The following ECHS1 variants were observed in gnomAD, a reference collection of about 807,000 sequenced individuals.
ECHS1 encodes the protein enoyl-CoA hydratase, mitochondrial.
ECHS1 carries 19 observed loss-of-function variants against 33.5 expected under a neutral mutation model. That is an observed-to-expected ratio of 0.57 (90% CI 0.40 to 0.83). The LOEUF is 0.83. Ranked by LOEUF, ECHS1 falls within the 40% of genes least tolerant of loss-of-function variation. ECHS1 has a pLI of 0.00. For missense variants in ECHS1, 365 were observed against 381.3 expected, an observed-to-expected ratio of 0.96 and a Z score of 0.36; for synonymous variants, 158 against 146.6, an observed-to-expected ratio of 1.08 and a Z score of -0.56.
rs372408822 is a variant in ECHS1, at chr10:133,373,326, G to C, written c.8C>G (p.Ala3Gly). 3 of 1,502,876 alleles carry C rather than the reference G, an allele frequency of 2.0e-6. No homozygotes were observed. Among genetic ancestry groups the C allele is most frequent in the Non-Finnish European group, 2.7e-6 (3 of 1,132,020 alleles). 93.1% of individuals were successfully genotyped at this position (1,502,876 alleles called of 1,614,324 possible). The change falls in exon 1 of 8, where the codon GCC becomes GGC. Residue 3 changes from alanine (A) to glycine (G), a missense_variant. Transcript: ENST00000368547. The stretch of plus-strand genomic sequence containing the variant: ...GACGCAGGACAGCAGGACACGCAGG[G>C]CGGCCATGGCTCTCTGGACTCCTCG... Reference protein sequence around the residue: MAALRVLLSCVRG... With the variant: MAGLRVLLSCVRG...
Position 133,366,385 on chromosome 10 carries a change from G to A in ECHS1, c.620-290C>T, listed in dbSNP as rs79459887. 6.7e-3 allele frequency among the ~76,000 whole-genome samples: 1,024 copies of A among 152,388 alleles called. 10 individuals are homozygous for A. The highest frequency in any genetic ancestry group is 0.034 in the Middle Eastern group (10 of 294). Reference sequence around the variant, plus strand: ...TCACCAACAGGGCAGTGGGAGGACCGGCCACTGAGGCCTGGAGATGCCCAT... The same window carrying A: ...TCACCAACAGGGCAGTGGGAGGACCAGCCACTGAGGCCTGGAGATGCCCAT... On this transcript the variant is annotated intron_variant, in intron 5 of 7. Transcript: ENST00000368547.
Position 133,368,991 on chromosome 10 carries a change from C to A in ECHS1, c.446G>T (p.Cys149Phe). The change falls in exon 4 of 8, where the codon TGT becomes TTT. Residue 149 changes from cysteine (C) to phenylalanine (F), a missense_variant. Transcript: ENST00000368547. ...FGGGCELAMM[C>F]DIIYAGEKAQ... ...CTTCTCACCGGCATAGATGATATCACACATCATGGCAAGCTCACAGCCCCC... is the reference window on the plus strand; with the variant it reads ...CTTCTCACCGGCATAGATGATATCAAACATCATGGCAAGCTCACAGCCCCC... 6.2e-7 allele frequency: 1 copy of A among 1,613,666 alleles called. No homozygotes were observed. Among genetic ancestry groups the A allele is most frequent in the Non-Finnish European group, 8.5e-7 (1 of 1,179,922 alleles).
rs142085958 is a variant in ECHS1 at position 133,368,160 on chromosome 10, C to A, written c.514+763G>T. The stretch of plus-strand genomic sequence containing the variant: ...CCGTAGGGCTGGACACTACACTCCC[C>A]CAACACCCTGACATTAGATCAAGGT... On this transcript the variant is annotated intron_variant, in intron 4 of 7. Coordinates refer to ENST00000368547, the MANE Select transcript of ECHS1 (RefSeq NM_004092.4). 4.5e-3 allele frequency among the ~76,000 whole-genome samples: 683 copies of A among 152,314 alleles called. 5 individuals are homozygous for A. Among genetic ancestry groups the A allele is most frequent in the African/African-American group, 0.016 (663 of 41,566 alleles).
Position 133,362,890 on chromosome 10 carries a change from TTTC to T in ECHS1, c.848_850del (p.Arg283del). 6.2e-7 allele frequency: 1 copy of T among 1,614,190 alleles called. No individual in the cohort carries two copies. The highest frequency in any genetic ancestry group is 8.5e-7 in the Non-Finnish European group (1 of 1,180,038). Reference sequence around the variant, plus strand: ...TTCTCACTGGTCTTTGAAGTTGGCCTTTCTCTTTTCCACAAACGCGGTCATCCC... The same window carrying T: ...TTCTCACTGGTCTTTGAAGTTGGCCTTCTTTTCCACAAACGCGGTCATCCC... On this transcript the variant is annotated inframe_deletion, in exon 8 of 8. Transcript: ENST00000368547.
At chr10:133,367,309 G>A (rs990646763) in intron 4 of ECHS1, among the ~76,000 whole-genome samples, 1 of 151,916 alleles carries the variant, frequency 6.6e-6, no homozygotes, top group Non-Finnish European at 1.5e-5. Flanking sequence ...ATTAGATATA[G>A]AGATGATCAT....
rs1202162624 is a variant in ECHS1 at position 133,370,049 on chromosome 10, G to A, written c.287-18C>T. On this transcript the variant is annotated intron_variant, in intron 2 of 7. Transcript: ENST00000368547. ...AGCTCCAGCTAGCAGGAGTGGAAAG[G>A]AGGTTCCAGTTACCAGAGAGCAGAG... is the stretch of plus-strand genomic sequence containing the variant. The A allele has an allele frequency of 4.3e-6, 7 of 1,613,244 alleles. No individual in the cohort carries two copies. Among genetic ancestry groups the A allele is most frequent in the Non-Finnish European group, 5.9e-6 (7 of 1,179,786 alleles).
intron 4 of ECHS1, among the ~76,000 whole-genome samples, chr10:133,367,732 G>A (rs1339679439): frequency 6.6e-6 from 1 of 151,424 alleles, no homozygotes; most frequent in African/African-American, 2.4e-5. Flanking sequence ...TGCTCCTCCC[G>A]TACTCCTGGT....
At chr10:133,372,717 T>G in intron 1 of ECHS1, among the ~76,000 whole-genome samples, 1 of 84,628 alleles carries the variant, frequency 1.2e-5, no homozygotes, top group East Asian at 3.8e-4. Flanking sequence ...GTGGGTGGTG[T>G]CGGTGCGGGG....
Position 133,373,160 on chromosome 10 carries a change from AGG to A in ECHS1, c.88+84_88+85del, listed in dbSNP as rs150493267. On this transcript the variant is annotated intron_variant, in intron 1 of 7. Transcript: ENST00000368547. ...GGTGGGGGATGCGGGGTCAGGTGGG[AGG>A]GGGGTGCGGTCTGGGATCTGGTCTG... The A allele has an allele frequency of 2.4e-3, 2,400 of 996,982 alleles. 5 individuals carry two copies. Among genetic ancestry groups the A allele is most frequent in the Non-Finnish European group, 3.0e-3 (2,309 of 779,696 alleles). 61.8% of individuals were successfully genotyped at this position (996,982 alleles called of 1,614,324 possible).
Position 133,364,645 on chromosome 10 carries a change from A to T in ECHS1, c.807+13T>A. ...AATTTGCTTGATTCTCCGGTTGAAC[A>T]CTGTTTACTCACAGTGGCAAAGGTT... On this transcript the variant is annotated intron_variant, in intron 7 of 7. Coordinates refer to ENST00000368547, the MANE Select transcript of ECHS1 (RefSeq NM_004092.4). The T allele has an allele frequency of 6.2e-7, 1 of 1,605,082 alleles. No homozygotes were observed. The highest frequency in any genetic ancestry group is 8.5e-7 in the Non-Finnish European group (1 of 1,172,276).
At position 133,368,896 on chromosome 10, in the gene ECHS1, T is replaced by C. The variant is rs1009970823; in HGVS notation, c.514+27A>G. On this transcript the variant is annotated intron_variant, in intron 4 of 7. Coordinates refer to ENST00000368547, the MANE Select transcript of ECHS1 (RefSeq NM_004092.4). ...ATTTTGAGTAATTACCTAAGGCATC[T>C]ATGCCAGAGACAGTGTCACTCTTTA... 3 of 1,600,932 alleles carry C rather than the reference T, an allele frequency of 1.9e-6. No individual in the cohort carries two copies. The African/African-American group carries it at 4.0e-5, about 21-fold the overall frequency.
At chr10:133,369,264 G>A (rs945813633) in intron 3 of ECHS1, among the ~76,000 whole-genome samples, 4 of 152,136 alleles carry the variant, frequency 2.6e-5, no homozygotes, top group Non-Finnish European at 4.4e-5. Flanking sequence ...CTGCTGCCAC[G>A]ACTCAACTCT....
chr10:133,366,186 G>A lies in ECHS1; in HGVS notation c.620-91C>T, dbSNP rs930332865. The A allele has an allele frequency of 6.7e-6, 10 of 1,493,616 alleles. No individual in the cohort carries two copies. The Admixed American group carries it at 1.9e-4, about 28-fold the overall frequency. The allele number at this position is 1,493,616 out of a possible 1,614,324, so 92.5% of individuals were successfully genotyped here. On this transcript the variant is annotated intron_variant, in intron 5 of 7. Transcript: ENST00000368547. ...GTGGCCGCTGGGGAGCAGCGTGGCT[G>A]GAGCACCCCAGCCTCTGGACGCTAA...
intron 1 of ECHS1, among the ~76,000 whole-genome samples, chr10:133,372,373 C>T (rs1400688574): frequency 1.3e-5 from 2 of 152,138 alleles, no homozygotes; most frequent in Non-Finnish European, 2.9e-5. Flanking sequence ...GGGTGAGCCA[C>T]GAGGGAGGAA....
intron 1 of ECHS1, among the ~76,000 whole-genome samples, chr10:133,371,159 C>T (rs1849103800): frequency 6.6e-6 from 1 of 152,090 alleles, no homozygotes; most frequent in East Asian, 1.9e-4. Flanking sequence ...CGCCTGTAGT[C>T]CCAGCTACTG....
At chr10:133,372,549 A>G (rs970486448) in intron 1 of ECHS1, among the ~76,000 whole-genome samples, 6 of 151,958 alleles carry the variant, frequency 3.9e-5, no homozygotes, top group Non-Finnish European at 8.8e-5. Context: ...CCGAGGGAAC[A>G]CCCCGGATTT....
chr10:133,363,071 G>A (rs568744805), intron 7 of ECHS1, 138 bp from the exon 8 acceptor site: 24 of 933,316 alleles, frequency 2.6e-5, no homozygotes, highest in Admixed American at 1.6e-4. Context: ...GGGACTCAGC[G>A]GCAGGAACAC....
At chr10:133,370,407 G>A (rs1014068715) in intron 2 of ECHS1, among the ~76,000 whole-genome samples, 153 bp downstream of exon 2, 13 of 152,226 alleles carry the variant, frequency 8.5e-5, no homozygotes, top group South Asian at 4.1e-4. Flanking sequence ...CATGCAAGCC[G>A]TTCCCATGAC....
intron 3 of ECHS1, 62 bp from the exon 4 acceptor site, chr10:133,369,084 T>G (rs1849071192): frequency 6.6e-7 from 1 of 1,508,114 alleles, no homozygotes; most frequent in South Asian, 1.1e-5. Flanking sequence ...ATCACTCTGC[T>G]TGCTTATTCA....
Sources: gnomAD v4.1 joint callset for allele counts (sites outside exome capture counted in the v4.1 genomes callset) on GRCh38, gnomAD v4.1.1 for gene constraint, MANE v1.5 for transcripts, NCBI Gene and HGNC (gene_info 2026-07-23, HGNC 2026-07-21) for gene names.